The following ARHGAP42 variants were observed in gnomAD, a reference collection of about 807,000 sequenced individuals.
ARHGAP42 encodes the protein Rho GTPase activating protein 42.
A neutral mutation model predicts 125.0 loss-of-function variants in ARHGAP42; 63 were observed. That is an observed-to-expected ratio of 0.50 (90% CI 0.41 to 0.62). The LOEUF (loss-of-function observed/expected upper bound fraction) is 0.62, where lower values mean the gene tolerates loss of function less well. Among genes scored for constraint, ARHGAP42 ranks in the 20% least tolerant of loss-of-function variants. ARHGAP42 has a pLI of 0.00. For synonymous variants in ARHGAP42, 339 were observed against 351.0 expected, an observed-to-expected ratio of 0.97 and a Z score of 0.38; for missense variants, 766 against 1,024.2, an observed-to-expected ratio of 0.75 and a Z score of 3.44.
chr11:100,892,668 T>C (rs1405659686), intron 4 of ARHGAP42, among the ~76,000 whole-genome samples: 2 of 152,186 alleles, frequency 1.3e-5, no homozygotes, highest in African/African-American at 4.8e-5. Context: ...AAAGAAAATA[T>C]CAGGTTTCTA....
At chr11:100,846,003 A>C (rs1865058037) in intron 3 of ARHGAP42, among the ~76,000 whole-genome samples, 1 of 152,196 alleles carries the variant, frequency 6.6e-6, no homozygotes. Context: ...AGCATTTAGC[A>C]TGCCTATTCT....
intron 3 of ARHGAP42, among the ~76,000 whole-genome samples, chr11:100,859,045 A>G (rs1865386446): frequency 6.6e-6 from 1 of 152,102 alleles, no homozygotes; most frequent in Admixed American, 6.6e-5. Context: ...GTCAGGTTGG[A>G]AACATTATGA....
intron 2 of ARHGAP42, among the ~76,000 whole-genome samples, chr11:100,787,233 G>A (rs1393507530): frequency 1.3e-5 from 2 of 151,002 alleles, no homozygotes; most frequent in African/African-American, 2.4e-5. Flanking sequence ...AGCCGAGATC[G>A]CACCACTGTA....
chr11:100,724,636 CA>C (rs1278674656), intron 1 of ARHGAP42, among the ~76,000 whole-genome samples: 3 of 151,796 alleles, frequency 2.0e-5, no homozygotes, highest in African/African-American at 7.2e-5. Flanking sequence ...TTTCAGTACC[CA>C]GGGGGATTAG....
chr11:100,789,557 G>A (rs190955939), intron 2 of ARHGAP42, among the ~76,000 whole-genome samples: 75 of 152,310 alleles, frequency 4.9e-4, no homozygotes, highest in South Asian at 1.2e-3. Context: ...GTGAGCATTA[G>A]CAGGGTAATT....
chr11:100,709,229 G>A (rs975602877), intron 1 of ARHGAP42, among the ~76,000 whole-genome samples: 1 of 152,074 alleles, frequency 6.6e-6, no homozygotes, highest in Non-Finnish European at 1.5e-5. Flanking sequence ...TAGTAGAGAC[G>A]GCGTTTCACC....
intron 1 of ARHGAP42, among the ~76,000 whole-genome samples, chr11:100,693,691 G>T (rs1219194905): frequency 6.6e-6 from 1 of 152,166 alleles, no homozygotes; most frequent in Non-Finnish European, 1.5e-5. Flanking sequence ...GTCTAGTGGA[G>T]ACTGGCTTAG....
chr11:100,925,567 A>C (rs535200589), intron 6 of ARHGAP42, among the ~76,000 whole-genome samples: 1 of 151,830 alleles, frequency 6.6e-6, no homozygotes, highest in African/African-American at 2.4e-5. Flanking sequence ...GTGAAACCTC[A>C]TCTCTACTAA....
intron 10 of ARHGAP42, among the ~76,000 whole-genome samples, chr11:100,947,168 A>G (rs1451184379): frequency 1.3e-5 from 2 of 151,836 alleles, no homozygotes; most frequent in African/African-American, 4.8e-5. Context: ...TCTTTTTTCA[A>G]ATTTACTTTT....
At chr11:100,811,439 C>G (rs1864139564) in intron 3 of ARHGAP42, among the ~76,000 whole-genome samples, 1 of 151,518 alleles carries the variant, frequency 6.6e-6, no homozygotes, top group Non-Finnish European at 1.5e-5. Flanking sequence ...ATGTGAATGA[C>G]TAGAGTTTGG....
intron 6 of ARHGAP42, among the ~76,000 whole-genome samples, chr11:100,928,362 G>A (rs1162333781): frequency 6.6e-6 from 1 of 152,106 alleles, no homozygotes; most frequent in African/African-American, 2.4e-5. Flanking sequence ...TTGAGAGGCC[G>A]AGGCGGGAGG....
intron 12 of ARHGAP42, among the ~76,000 whole-genome samples, chr11:100,953,401 A>G (rs1210146403): frequency 6.6e-6 from 1 of 152,216 alleles, no homozygotes; most frequent in Non-Finnish European, 1.5e-5. Context: ...ATGGTAAAAT[A>G]TATAACTTAG....
chr11:100,900,723 A>C (rs1361593043), intron 4 of ARHGAP42, among the ~76,000 whole-genome samples: 1 of 152,054 alleles, frequency 6.6e-6, no homozygotes, highest in Non-Finnish European at 1.5e-5. Context: ...TTGTGTATGC[A>C]TCATGAAGTT....
At chr11:100,939,441 C>A (rs1160730319) in intron 8 of ARHGAP42, among the ~76,000 whole-genome samples, 2 of 151,958 alleles carry the variant, frequency 1.3e-5, no homozygotes. Context: ...TTGAAAATAT[C>A]ATTTCTCTAA....
intron 1 of ARHGAP42, among the ~76,000 whole-genome samples, chr11:100,709,987 T>C (rs1861534749): frequency 2.0e-5 from 3 of 152,184 alleles, no homozygotes; most frequent in Admixed American, 1.3e-4. Context: ...AGAATATTCT[T>C]CTATTGCACT....
intron 2 of ARHGAP42, among the ~76,000 whole-genome samples, chr11:100,774,059 T>C (rs7932012): frequency 0.13 from 19,277 of 152,174 alleles, 1,439 homozygotes; most frequent in East Asian, 0.3. Context: ...TAGATATGTT[T>C]CAATATCCTA....
At chr11:100,735,183 C>G (rs909466960) in intron 1 of ARHGAP42, among the ~76,000 whole-genome samples, 1 of 152,196 alleles carries the variant, frequency 6.6e-6, no homozygotes, top group Non-Finnish European at 1.5e-5. Context: ...CCATCTTGCT[C>G]TGATTTTTTC....
intron 3 of ARHGAP42, among the ~76,000 whole-genome samples, chr11:100,801,813 A>G (rs1227481560): frequency 6.6e-6 from 1 of 152,252 alleles, no homozygotes; most frequent in Non-Finnish European, 1.5e-5. Context: ...GACACCTGCC[A>G]TCATGTGGCT....
At chr11:100,894,148 A>G (rs916735881) in intron 4 of ARHGAP42, among the ~76,000 whole-genome samples, 1 of 152,224 alleles carries the variant, frequency 6.6e-6, no homozygotes, top group African/African-American at 2.4e-5. Context: ...CTATACTTCT[A>G]CATTTTAAAG....
Sources: allele counts gnomAD v4.1 joint callset (sites outside exome capture counted in the v4.1 genomes callset), GRCh38; gene constraint gnomAD v4.1.1; transcripts MANE v1.5; gene names NCBI Gene and HGNC (gene_info 2026-07-23, HGNC 2026-07-21).